ATF7IP2: variants seen among roughly 807,000 people sequenced by gnomAD.
ATF7IP2 encodes the protein activating transcription factor 7 interacting protein 2.
A neutral mutation model predicts 64.2 loss-of-function variants in ATF7IP2; 42 were observed. The ratio of observed to expected loss-of-function variants is 0.65; its 90% CI spans 0.51 to 0.85. The LOEUF (loss-of-function observed/expected upper bound fraction) is 0.85, where lower values mean the gene tolerates loss of function less well. ATF7IP2 is among the 40% of genes least tolerant of loss of function. The pLI, the probability that ATF7IP2 is intolerant of heterozygous loss-of-function variation, is 0.00. For synonymous variants in ATF7IP2, 308 were observed against 272.8 expected, an observed-to-expected ratio of 1.13 and a Z score of -1.27; for missense variants, 933 against 784.2, an observed-to-expected ratio of 1.19 and a Z score of -2.27.
At chr16:10,400,455 C>A (rs2047506275) in intron 1 of ATF7IP2, among the ~76,000 whole-genome samples, 1 of 152,218 alleles carries the variant, frequency 6.6e-6, no homozygotes, top group South Asian at 2.1e-4. Flanking sequence ...AACAGATACA[C>A]TGATATCCTA....
intron 8 of ATF7IP2, among the ~76,000 whole-genome samples, chr16:10,444,120 A>C (rs538823153): frequency 5.9e-5 from 9 of 152,352 alleles, no homozygotes; most frequent in African/African-American, 2.2e-4. Flanking sequence ...CCCACAGGGC[A>C]TAACAAGACA....
At chr16:10,423,331 G>C (rs1305408476) in intron 3 of ATF7IP2, among the ~76,000 whole-genome samples, 1 of 152,194 alleles carries the variant, frequency 6.6e-6, no homozygotes, top group South Asian at 2.1e-4. Flanking sequence ...CAACATTCTT[G>C]AACAGTCCTG....
intron 7 of ATF7IP2, 29 bp from the exon 8 acceptor site, chr16:10,440,335 G>A: frequency 8.4e-7 from 1 of 1,186,398 alleles, no homozygotes; most frequent in Non-Finnish European, 1.2e-6. Flanking sequence ...CTCTGGCTTA[G>A]TATTTATTTT....
At chr16:10,402,053 C>T (rs1403743006) in intron 1 of ATF7IP2, among the ~76,000 whole-genome samples, 1 of 151,924 alleles carries the variant, frequency 6.6e-6, no homozygotes, top group East Asian at 1.9e-4. Context: ...TTCAAAGAAC[C>T]AACTTTTTGT....
In ATF7IP2 at chr16:10,444,212, A is replaced by C. The variant is rs115600296; in HGVS notation, c.1194+3750A>C. Among the ~76,000 whole-genome samples, 242 of 152,336 alleles carry C rather than the reference A, an allele frequency of 1.6e-3. 1 individual carries two copies. The highest frequency in any genetic ancestry group is 5.6e-3 in the African/African-American group (231 of 41,572). ...ATGTTCCTGGGTAGCTAACGAAAGA[A>C]AGAGGGAGCAAATTAGACAGGTTAA... On this transcript the variant is annotated intron_variant, in intron 8 of 13. Transcript: ENST00000562102.
At chr16:10,440,768 T>C (rs924766136) in intron 8 of ATF7IP2, among the ~76,000 whole-genome samples, 1 of 152,218 alleles carries the variant, frequency 6.6e-6, no homozygotes, top group African/African-American at 2.4e-5. Flanking sequence ...TTTTTAATTA[T>C]AGTTTAAGTT....
intron 8 of ATF7IP2, among the ~76,000 whole-genome samples, chr16:10,444,030 G>C (rs1459018587): frequency 8.5e-5 from 13 of 152,168 alleles, no homozygotes; most frequent in Admixed American, 8.5e-4. Flanking sequence ...GTGAGAGTTA[G>C]GGGTGGGTTC....
chr16:10,424,977 A>G (rs547649430), intron 3 of ATF7IP2, among the ~76,000 whole-genome samples: 2 of 152,136 alleles, frequency 1.3e-5, no homozygotes, highest in African/African-American at 4.8e-5. Flanking sequence ...AAATAATTCT[A>G]CTGCTAGGTA....
intron 1 of ATF7IP2, among the ~76,000 whole-genome samples, chr16:10,401,609 T>C (rs529079087): frequency 6.6e-6 from 1 of 152,322 alleles, no homozygotes; most frequent in Admixed American, 6.5e-5. Context: ...AGTGATACTA[T>C]CTTCATAGAA....
chr16:10,441,515 C>G (rs1334724938), intron 8 of ATF7IP2, among the ~76,000 whole-genome samples: 2 of 152,214 alleles, frequency 1.3e-5, no homozygotes, highest in East Asian at 3.8e-4. Context: ...TGATGATCAG[C>G]TATTTTTCAT....
Position 10,482,056 on chromosome 16 carries a change from A to G in ATF7IP2, c.1856A>G (p.Asn619Ser). 6.2e-7 allele frequency: 1 copy of G among 1,613,916 alleles called. No homozygotes were observed. The highest frequency in any genetic ancestry group is 8.5e-7 in the Non-Finnish European group (1 of 1,179,874). ...ESYHLFLCHE[N>S]SNNKLIWKKI... The stretch of plus-strand genomic sequence containing the variant: ...TACCACCTCTTCCTGTGTCATGAGA[A>G]CTCTAATAATAAGTTGATTTGGAAG... The change falls in exon 14 of 14, where the codon AAC becomes AGC. Residue 619 changes from asparagine to serine, a missense_variant. By Grantham distance (46) the Asn-to-Ser change is conservative (BLOSUM62 1). Transcript: ENST00000562102.
chr16:10,431,860 G>A (rs148478729), intron 5 of ATF7IP2, among the ~76,000 whole-genome samples: 6,522 of 128,628 alleles, frequency 0.051, 172 homozygotes, highest in Middle Eastern at 0.09. Context: ...GTCTCGCTCT[G>A]TCGCTCAGGC....
chr16:10,481,099 T>C (rs1195571123), intron 13 of ATF7IP2, 135 bp downstream of exon 13: 4 of 632,990 alleles, frequency 6.3e-6, no homozygotes, highest in Non-Finnish European at 1.1e-5. Flanking sequence ...AATCTACTTA[T>C]TTATACAATT....
At chr16:10,414,174 G>A (rs573975808) in intron 1 of ATF7IP2, among the ~76,000 whole-genome samples, 22 of 152,212 alleles carry the variant, frequency 1.4e-4, no homozygotes, top group African/African-American at 4.8e-4. Flanking sequence ...TCCCAAATAC[G>A]TTTTCTAAAC....
chr16:10,405,392 T>G (rs1255283665), intron 1 of ATF7IP2, among the ~76,000 whole-genome samples: 1 of 151,880 alleles, frequency 6.6e-6, no homozygotes, highest in African/African-American at 2.4e-5. Flanking sequence ...AAGTTAATAT[T>G]CATTATCGTG....
At chr16:10,467,560 G>A (rs1236601981) in intron 9 of ATF7IP2, among the ~76,000 whole-genome samples, 1 of 151,036 alleles carries the variant, frequency 6.6e-6, no homozygotes, top group Non-Finnish European at 1.5e-5. Flanking sequence ...GGTAAAAGTG[G>A]ATAGAAAAAT....
intron 1 of ATF7IP2, among the ~76,000 whole-genome samples, chr16:10,407,105 TCAA>T (rs2047657194): frequency 6.6e-6 from 1 of 152,202 alleles, no homozygotes; most frequent in African/African-American, 2.4e-5. Flanking sequence ...ATACATTATA[TCAA>T]CAAAATGAAG....
chr16:10,469,065 C>A (rs1168870403), intron 9 of ATF7IP2, among the ~76,000 whole-genome samples: 1 of 152,108 alleles, frequency 6.6e-6, no homozygotes, highest in Non-Finnish European at 1.5e-5. Flanking sequence ...GAAACAACAT[C>A]CATTACCCAA....
chr16:10,447,182 A>G (rs896746677), intron 8 of ATF7IP2: 12 of 152,288 alleles, frequency 7.9e-5, no homozygotes, highest in African/African-American at 1.7e-4. Flanking sequence ...AGATACTCCA[A>G]CCATCAAGGA....
Sources: allele counts gnomAD v4.1 joint callset (sites outside exome capture counted in the v4.1 genomes callset), GRCh38; gene constraint gnomAD v4.1.1; transcripts MANE v1.5; gene names NCBI Gene and HGNC (gene_info 2026-07-23, HGNC 2026-07-21).